Variants in STXBP6 observed in about 807,000 individuals in gnomAD.
STXBP6 encodes syntaxin-binding protein 6.
Under a neutral mutation model 26.9 loss-of-function variants are expected in STXBP6, and 21 were observed. The observed-to-expected ratio is 0.78, with a 90% CI of 0.55 to 1.12. The LOEUF (loss-of-function observed/expected upper bound fraction) is 1.12. STXBP6 is among the 50% of genes most tolerant of loss of function. The pLI is 0.00. For synonymous variants in STXBP6, 97 were observed against 92.6 expected, an observed-to-expected ratio of 1.05 and a Z score of -0.27; for missense variants, 232 against 257.9, an observed-to-expected ratio of 0.90 and a Z score of 0.69.
At chr14:24,816,729 T>C (rs1367363574) in intron 5 of STXBP6, 1 of 152,120 alleles carries the variant, frequency 6.6e-6, no homozygotes, top group East Asian at 1.9e-4. Flanking sequence ...CAAGGGCTGA[T>C]CTGTGTTTAG....
rs902846602 is a variant in STXBP6, at chr14:24,963,440, G to A, written c.154+11225C>T. On this transcript the variant is annotated intron_variant, in intron 2 of 5. Coordinates refer to ENST00000323944, the MANE Select transcript of STXBP6 (RefSeq NM_001394410.1). ...ACTGATAAAAACGTCAAAATGCAGTGTAGCGTAAGGTCTACAACCTCGGCC... is the reference window on the plus strand; with the variant it reads ...ACTGATAAAAACGTCAAAATGCAGTATAGCGTAAGGTCTACAACCTCGGCC... 2.5e-4 allele frequency among the ~76,000 whole-genome samples: 38 copies of A among 152,322 alleles called. 1 individual carries two copies. Among genetic ancestry groups the A allele is most frequent in the Admixed American group, 2.5e-3 (38 of 15,296 alleles).
chr14:24,976,103 A>G (rs2074037866), intron 1 of STXBP6, among the ~76,000 whole-genome samples: 2 of 152,342 alleles, frequency 1.3e-5, no homozygotes, highest in East Asian at 1.9e-4. Context: ...CACTTCTATG[A>G]TAAGTATTAG....
intron 1 of STXBP6, among the ~76,000 whole-genome samples, chr14:25,005,920 T>C (rs2074886593): frequency 6.6e-6 from 1 of 152,122 alleles, no homozygotes; most frequent in Admixed American, 6.6e-5. Flanking sequence ...TGGCCTAACA[T>C]TAACATCCTG....
intron 1 of STXBP6, among the ~76,000 whole-genome samples, chr14:25,034,398 A>G (rs1595354683): frequency 6.6e-6 from 1 of 152,168 alleles, no homozygotes; most frequent in African/African-American, 2.4e-5. Context: ...AATCTGCTAC[A>G]ATTTCCCCAT....
At chr14:25,015,218 T>C (rs768045415) in intron 1 of STXBP6, among the ~76,000 whole-genome samples, 1 of 152,152 alleles carries the variant, frequency 6.6e-6, no homozygotes, top group Non-Finnish European at 1.5e-5. Flanking sequence ...AGAGAACTGC[T>C]TTAAAAAAAA....
At chr14:25,011,785 C>A (rs1336184291) in intron 1 of STXBP6, among the ~76,000 whole-genome samples, 2 of 152,250 alleles carry the variant, frequency 1.3e-5, no homozygotes, top group Non-Finnish European at 2.9e-5. Flanking sequence ...TATTTCTAAG[C>A]TACATAGGTG....
At position 24,835,320 on chromosome 14, in the gene STXBP6, G is replaced by A. The variant is rs1026253986; in HGVS notation, c.452-16126C>T. Among the ~76,000 whole-genome samples, 58 of 146,864 alleles carry A rather than the reference G, an allele frequency of 3.9e-4. 2 individuals carry two copies. Among genetic ancestry groups the A allele is most frequent in the African/African-American group, 1.3e-3 (49 of 38,624 alleles). On this transcript the variant is annotated intron_variant, in intron 4 of 5. Coordinates refer to ENST00000323944, the MANE Select transcript of STXBP6 (RefSeq NM_001394410.1). ...TGTTAAGCCACTGAGACCCGGAGCC[G>A]TGTTTGTTATTGCACCATAATTGAG...
At chr14:24,848,498 T>C (rs1025875118) in intron 4 of STXBP6, among the ~76,000 whole-genome samples, 12 of 152,148 alleles carry the variant, frequency 7.9e-5, no homozygotes, top group Non-Finnish European at 1.5e-5. Context: ...TTACAATCCT[T>C]GTCCAGACAA....
At chr14:24,957,020 C>T (rs547255244) in intron 2 of STXBP6, among the ~76,000 whole-genome samples, 1 of 152,336 alleles carries the variant, frequency 6.6e-6, no homozygotes, top group African/African-American at 2.4e-5. Context: ...AGGCTCAGCA[C>T]ACTACCAACC....
At chr14:24,989,061 A>C (rs1805140041) in intron 1 of STXBP6, among the ~76,000 whole-genome samples, 1 of 152,308 alleles carries the variant, frequency 6.6e-6, no homozygotes, top group Admixed American at 6.5e-5. Context: ...TACTTCATGT[A>C]AAACATATTT....
chr14:24,848,941 C>A (rs1322700792), intron 4 of STXBP6, among the ~76,000 whole-genome samples: 1 of 152,066 alleles, frequency 6.6e-6, no homozygotes, highest in Admixed American at 6.6e-5. Flanking sequence ...AGATTCCTAT[C>A]CAAAAACATC....
intron 2 of STXBP6, among the ~76,000 whole-genome samples, chr14:24,922,840 G>A (rs77863889): frequency 0.017 from 2,638 of 152,156 alleles, 55 homozygotes; most frequent in African/African-American, 0.059. Context: ...TTAAATGAAA[G>A]AACAGCATGT....
At chr14:24,952,273 G>T (rs1000371798) in intron 2 of STXBP6, among the ~76,000 whole-genome samples, 1 of 150,138 alleles carries the variant, frequency 6.7e-6, no homozygotes, top group Non-Finnish European at 1.5e-5. Context: ...AGGCTGCTCT[G>T]CTTAGGGGGT....
intron 2 of STXBP6, among the ~76,000 whole-genome samples, chr14:24,967,894 G>A (rs948826045): frequency 6.6e-6 from 1 of 152,074 alleles, no homozygotes; most frequent in African/African-American, 2.4e-5. Context: ...TAGAAGAAAT[G>A]AGGTGCTGTG....
At chr14:24,821,903 T>A (rs2068145744) in intron 4 of STXBP6, among the ~76,000 whole-genome samples, 1 of 152,186 alleles carries the variant, frequency 6.6e-6, no homozygotes, top group South Asian at 2.1e-4. Flanking sequence ...TTCTGCTGAC[T>A]TATTTTCTTC....
intron 2 of STXBP6, among the ~76,000 whole-genome samples, chr14:24,969,504 G>A (rs1038604742): frequency 6.6e-6 from 1 of 152,178 alleles, no homozygotes; most frequent in Non-Finnish European, 1.5e-5. Context: ...ACTGACTATA[G>A]ACATTGTTGT....
chr14:24,977,216 T>C (rs2074072880), intron 1 of STXBP6, among the ~76,000 whole-genome samples: 1 of 151,998 alleles, frequency 6.6e-6, no homozygotes, highest in Non-Finnish European at 1.5e-5. Context: ...CTTTTGCTTT[T>C]TCATCTCAGG....
At chr14:24,929,126 T>G (rs911898398) in intron 2 of STXBP6, among the ~76,000 whole-genome samples, 2 of 152,224 alleles carry the variant, frequency 1.3e-5, no homozygotes, top group Admixed American at 6.5e-5. Context: ...TTTCACAAAT[T>G]TATTCTTCAA....
At chr14:24,846,552 A>G (rs576443603) in intron 4 of STXBP6, among the ~76,000 whole-genome samples, 1 of 152,298 alleles carries the variant, frequency 6.6e-6, no homozygotes, top group South Asian at 2.1e-4. Flanking sequence ...GATGTCCATA[A>G]AGGTTGCCAG....
Sources: allele counts gnomAD v4.1 joint callset (sites outside exome capture counted in the v4.1 genomes callset), GRCh38; gene constraint gnomAD v4.1.1; transcripts MANE v1.5; gene names NCBI Gene and HGNC (gene_info 2026-07-23, HGNC 2026-07-21).